The following LPAR1 variants were observed in gnomAD, a reference collection of about 807,000 sequenced individuals.
The protein encoded by LPAR1 is lysophosphatidic acid receptor 1.
A neutral mutation model predicts 23.8 loss-of-function variants in LPAR1; 5 were observed. The observed-to-expected ratio is 0.21, with a 90% confidence interval of 0.11 to 0.44. LPAR1 has a LOEUF of 0.44. LPAR1 is among the 20% of genes least tolerant of loss of function. The pLI, the probability that LPAR1 is intolerant of heterozygous loss-of-function variation, is 0.99. For synonymous variants in LPAR1, 160 were observed against 164.7 expected, an observed-to-expected ratio of 0.97 and a Z score of 0.22; for missense variants, 311 against 482.8, an observed-to-expected ratio of 0.64 and a Z score of 3.33.
intron 4 of LPAR1, among the ~76,000 whole-genome samples, chr9:110,944,272 C>T (rs2095294475): frequency 6.6e-6 from 1 of 152,204 alleles, no homozygotes; most frequent in South Asian, 2.1e-4. Context: ...ATCCCCTCTA[C>T]ACTAGGCTAT....
rs1244921858 is a variant in LPAR1, at chr9:111,036,130, G to T, written c.-190C>A. 1 of 152,168 alleles carries T rather than the reference G, an allele frequency of 6.6e-6. No homozygotes were observed. The highest frequency in any genetic ancestry group is 2.4e-5 in the African/African-American group (1 of 41,434). 9.4% of individuals were successfully genotyped at this position (152,168 alleles called of 1,614,324 possible). ...GCCACTTACATTCTTACCTCTGTTAGTTCTTTCCCATCACTCACAGGGAGA... is the reference window on the plus strand; with the variant it reads ...GCCACTTACATTCTTACCTCTGTTATTTCTTTCCCATCACTCACAGGGAGA... On this transcript the variant is annotated 5_prime_UTR_variant, in exon 2 of 6. Coordinates refer to ENST00000683809, the MANE Select transcript of LPAR1 (RefSeq NM_001351411.2).
At chr9:110,931,207 C>T (rs1320379344) in intron 5 of LPAR1, among the ~76,000 whole-genome samples, 1 of 152,162 alleles carries the variant, frequency 6.6e-6, no homozygotes, top group East Asian at 1.9e-4. Flanking sequence ...GAAATTCCAA[C>T]ATCAATTTCA....
intron 2 of LPAR1, among the ~76,000 whole-genome samples, chr9:110,997,424 G>A (rs2097035415): frequency 6.6e-6 from 1 of 152,160 alleles, no homozygotes; most frequent in African/African-American, 2.4e-5. Flanking sequence ...ACTATTGAGA[G>A]AGAGAGATGT....
chr9:110,892,150 A>G (rs972951008), intron 5 of LPAR1, among the ~76,000 whole-genome samples: 2 of 152,238 alleles, frequency 1.3e-5, no homozygotes, highest in Non-Finnish European at 2.9e-5. Flanking sequence ...CCATCCACAA[A>G]TCAACAGGTG....
chr9:110,938,130 T>C (rs1023095352), intron 5 of LPAR1, among the ~76,000 whole-genome samples: 1 of 152,200 alleles, frequency 6.6e-6, no homozygotes, highest in African/African-American at 2.4e-5. Context: ...TGACAGGCAA[T>C]GTGGCAACGT....
intron 2 of LPAR1, among the ~76,000 whole-genome samples, chr9:110,992,513 TG>T (rs553088600): frequency 1.0e-3 from 154 of 152,336 alleles, no homozygotes; most frequent in Middle Eastern, 6.8e-3. Context: ...ATAAAGTAGT[TG>T]TCTATACAAA....
intron 5 of LPAR1, chr9:110,903,568 G>A (rs1006765437): frequency 3.3e-5 from 5 of 152,086 alleles, no homozygotes; most frequent in African/African-American, 1.2e-4. Flanking sequence ...CCTGAGAACA[G>A]ATCAACAGAA....
At chr9:110,982,793 A>G (rs2139090687) in intron 2 of LPAR1, among the ~76,000 whole-genome samples, 1 of 151,686 alleles carries the variant, frequency 6.6e-6, no homozygotes, top group East Asian at 1.9e-4. Context: ...AAAACAACAA[A>G]CCAACAAACA....
At chr9:110,940,513 A>G (rs958266107) in intron 5 of LPAR1, among the ~76,000 whole-genome samples, 10 of 152,230 alleles carry the variant, frequency 6.6e-5, no homozygotes, top group African/African-American at 2.4e-4. Flanking sequence ...ATGAAATGAT[A>G]AAAGGTTTTC....
intron 4 of LPAR1, among the ~76,000 whole-genome samples, chr9:110,945,220 G>T (rs556802239): frequency 5.3e-4 from 81 of 152,266 alleles, no homozygotes; most frequent in Non-Finnish European, 9.4e-4. Context: ...TTCAGGAGCC[G>T]ACAGACTTAG....
chr9:110,931,173 A>G (rs2094392490), intron 5 of LPAR1, among the ~76,000 whole-genome samples: 1 of 152,236 alleles, frequency 6.6e-6, no homozygotes, highest in South Asian at 2.1e-4. Flanking sequence ...CTTACTTAGC[A>G]AACTTCTATA....
chr9:111,012,037 C>T (rs2097340612), intron 2 of LPAR1, among the ~76,000 whole-genome samples: 1 of 152,118 alleles, frequency 6.6e-6, no homozygotes. Flanking sequence ...ATCACTTGAG[C>T]CCAGGTGTTC....
chr9:110,999,261 C>G (rs1451922503), intron 2 of LPAR1: 2 of 259,432 alleles, frequency 7.7e-6, no homozygotes, highest in Non-Finnish European at 1.6e-5. Flanking sequence ...TTATAAGAAC[C>G]TGGGAGTAAT....
intron 2 of LPAR1, among the ~76,000 whole-genome samples, chr9:111,028,274 G>C (rs1772838653): frequency 6.6e-6 from 1 of 151,966 alleles, no homozygotes; most frequent in South Asian, 2.1e-4. Context: ...GTAGAGACAG[G>C]GTTTTATCAT....
intron 5 of LPAR1, among the ~76,000 whole-genome samples, chr9:110,893,218 C>G (rs985753226): frequency 2.6e-5 from 4 of 152,136 alleles, no homozygotes; most frequent in Non-Finnish European, 5.9e-5. Flanking sequence ...TGTACAATGT[C>G]CTCTTTTACC....
At chr9:110,982,026 A>C (rs2139037633) in intron 2 of LPAR1, among the ~76,000 whole-genome samples, 1 of 152,204 alleles carries the variant, frequency 6.6e-6, no homozygotes, top group African/African-American at 2.4e-5. Context: ...CAGTGTTGGT[A>C]GGAGTGTAAA....
intron 4 of LPAR1, among the ~76,000 whole-genome samples, chr9:110,946,232 A>G (rs968214804): frequency 2.0e-5 from 3 of 152,140 alleles, no homozygotes; most frequent in Non-Finnish European, 2.9e-5. Flanking sequence ...AAAAAATTCA[A>G]GATGCACCAG....
chr9:110,995,022 T>C (rs2096968799), intron 2 of LPAR1, among the ~76,000 whole-genome samples: 2 of 152,232 alleles, frequency 1.3e-5, no homozygotes, highest in Admixed American at 6.5e-5. Flanking sequence ...GACACATTTA[T>C]GTTAAACACA....
intron 2 of LPAR1, among the ~76,000 whole-genome samples, chr9:110,984,412 T>G (rs2096736939): frequency 6.6e-6 from 1 of 152,060 alleles, no homozygotes; most frequent in East Asian, 1.9e-4. Flanking sequence ...AAGATCTTAT[T>G]CCTTTTCTGG....
Sources: allele counts gnomAD v4.1 joint callset (sites outside exome capture counted in the v4.1 genomes callset), GRCh38; gene constraint gnomAD v4.1.1; transcripts MANE v1.5; gene names NCBI Gene and HGNC (gene_info 2026-07-23, HGNC 2026-07-21).